Variants in BAZ2B observed in about 807,000 individuals in gnomAD.
BAZ2B encodes bromodomain adjacent to zinc finger domain 2B, also known as bromodomain adjacent to zinc finger domain protein 2B.
BAZ2B carries 91 observed loss-of-function variants against 246.0 expected under a neutral mutation model. That is an observed-to-expected ratio of 0.37 (90% CI 0.31 to 0.44). The LOEUF (loss-of-function observed/expected upper bound fraction) is 0.44, where lower values mean the gene tolerates loss of function less well. Ranked by LOEUF, BAZ2B falls within the 20% of genes least tolerant of loss-of-function variation. The pLI, the probability that BAZ2B is intolerant of heterozygous loss-of-function variation, is 1.00. For synonymous variants in BAZ2B, 855 were observed against 860.0 expected (o/e 0.99, Z 0.10); for missense variants, 2,332 against 2,533.7 (o/e 0.92, Z 1.71).
intron 27 of BAZ2B, among the ~76,000 whole-genome samples, chr2:159,363,951 T>G (rs1410358275): frequency 1.3e-5 from 2 of 152,156 alleles, no homozygotes; most frequent in African/African-American, 4.8e-5. Context: ...AGGGAGATAC[T>G]CTGCATTATC....
At position 159,544,330 on chromosome 2, in the gene BAZ2B, C is replaced by T. The variant is rs182119663; in HGVS notation, c.-3+11493G>A. On this transcript the variant is annotated intron_variant, in intron 2 of 36. Coordinates refer to ENST00000392783, the MANE Select transcript of BAZ2B (RefSeq NM_013450.4). ...AGATTAGTACCTGGCGCACAGTGAG[C>T]ACTCCACTAACATTAGCTCTTATTG... Among the ~76,000 whole-genome samples the T allele has an allele frequency of 4.9e-3, 749 of 152,218 alleles. 16 individuals are homozygous for T. The highest frequency in any genetic ancestry group is 3.2e-3 in the Non-Finnish European group (221 of 68,016).
At position 159,532,481 on chromosome 2, in the gene BAZ2B, T is replaced by C. The variant is rs75263003; in HGVS notation, c.-3+23342A>G. Among the ~76,000 whole-genome samples, 1,247 of 152,296 alleles carry C rather than the reference T, an allele frequency of 8.2e-3. 6 individuals carry two copies. Among genetic ancestry groups the C allele is most frequent in the South Asian group, 0.021 (103 of 4,832 alleles). On this transcript the variant is annotated intron_variant, in intron 2 of 36. Coordinates refer to ENST00000392783, the MANE Select transcript of BAZ2B (RefSeq NM_013450.4). Reference sequence around the variant, plus strand: ...ACAAAAAAGTTTAAAACAAGACTCATGGCCTCAAACTGCGGAAATAATAAA... The same window carrying C: ...ACAAAAAAGTTTAAAACAAGACTCACGGCCTCAAACTGCGGAAATAATAAA...
Position 159,319,090 on chromosome 2 carries a change from G to C in BAZ2B, c.*1175C>G, listed in dbSNP as rs978849536. On this transcript the variant is annotated 3_prime_UTR_variant, in exon 37 of 37. Transcript: ENST00000392783. This position sits in a 1 kb window ranked among gnomAD's most constrained non-coding sequence, Gnocchi z 4.0. Reference sequence around the variant, plus strand: ...CATTTTATTTTAAATAAAACTTCAAGTACTCTTACGTAGGTACAAAAAAAA... The same window carrying C: ...CATTTTATTTTAAATAAAACTTCAACTACTCTTACGTAGGTACAAAAAAAA... 19 of 152,474 alleles carry C rather than the reference G, an allele frequency of 1.2e-4. No homozygotes were observed. The highest frequency in any genetic ancestry group is 4.6e-4 in the African/African-American group (19 of 41,380). The allele number at this position is 152,474 out of a possible 1,614,324, so 9.4% of individuals were successfully genotyped here.
intron 17 of BAZ2B, among the ~76,000 whole-genome samples, chr2:159,400,096 C>T (rs1454549224): frequency 6.6e-6 from 1 of 152,080 alleles, no homozygotes; most frequent in East Asian, 1.9e-4. Flanking sequence ...CTGTCTTTTG[C>T]CTATTACTTT....
At chr2:159,622,472 A>C in the BAZ2B span, among the ~76,000 whole-genome samples, 1 of 152,170 alleles carries the variant, frequency 6.6e-6, no homozygotes, top group Non-Finnish European at 1.5e-5. Context: ...TTTCCCAGCA[A>C]TGGTCAAAAC....
chr2:159,431,399 T>C (rs779354318), intron 9 of BAZ2B, among the ~76,000 whole-genome samples: 19 of 152,218 alleles, frequency 1.2e-4, no homozygotes, highest in Non-Finnish European at 2.5e-4. Context: ...TGTGACACTA[T>C]TCACATGATG....
At chr2:159,507,465 G>C (rs183099987) in intron 2 of BAZ2B, among the ~76,000 whole-genome samples, 20 of 152,268 alleles carry the variant, frequency 1.3e-4, no homozygotes, top group African/African-American at 4.6e-4. Flanking sequence ...GAAGAGAAAA[G>C]CAGTGGTCTC....
intron 6 of BAZ2B, among the ~76,000 whole-genome samples, chr2:159,445,087 G>T (rs2074038025): frequency 6.6e-6 from 1 of 152,146 alleles, no homozygotes; most frequent in Non-Finnish European, 1.5e-5. Flanking sequence ...ATAAAATTGA[G>T]ATGTCACAGC....
chr2:159,330,531 G>T (rs961658420), intron 34 of BAZ2B, among the ~76,000 whole-genome samples: 3 of 152,108 alleles, frequency 2.0e-5, no homozygotes, highest in Admixed American at 6.6e-5. Flanking sequence ...AGCACTTTTG[G>T]AGAAGCTGTG....
At chr2:159,364,672 T>C (rs1372448102) in intron 27 of BAZ2B, among the ~76,000 whole-genome samples, 5 of 152,152 alleles carry the variant, frequency 3.3e-5, no homozygotes, top group African/African-American at 9.7e-5. Context: ...GCCTAGCCCT[T>C]AGTTAGACAT....
chr2:159,383,162 G>A (rs1030264218), intron 24 of BAZ2B, among the ~76,000 whole-genome samples: 1 of 152,092 alleles, frequency 6.6e-6, no homozygotes, highest in Admixed American at 6.5e-5. Context: ...TCTTAACATA[G>A]GAGTAATTTC....
At chr2:159,449,115 G>T (rs1033145270) in intron 4 of BAZ2B, among the ~76,000 whole-genome samples, 1 of 152,082 alleles carries the variant, frequency 6.6e-6, no homozygotes, top group Non-Finnish European at 1.5e-5. Context: ...AGATAACAAT[G>T]ATTGTTTTAT....
intron 1 of BAZ2B, among the ~76,000 whole-genome samples, chr2:159,600,008 T>C (rs551615044): frequency 6.6e-6 from 1 of 151,090 alleles, no homozygotes; most frequent in African/African-American, 2.4e-5. Flanking sequence ...GGTACTATAG[T>C]AGGTAAAATC....
chr2:159,612,343 C>G (rs1245240917), intron 1 of BAZ2B, among the ~76,000 whole-genome samples: 2 of 151,736 alleles, frequency 1.3e-5, no homozygotes, highest in Non-Finnish European at 2.9e-5. Flanking sequence ...TTTTATGTAA[C>G]CAAAAAAACT....
At chr2:159,672,737 AGGGGTT>A in the BAZ2B span, among the ~76,000 whole-genome samples, 5 of 152,192 alleles carry the variant, frequency 3.3e-5, no homozygotes, top group African/African-American at 1.2e-4. Context: ...TATGCAATAA[AGGGGTT>A]ATCTCAGAAG....
At chr2:159,404,994 G>T (rs764118405) in intron 15 of BAZ2B, 28 bp downstream of exon 15, 1 of 1,612,514 alleles carries the variant, frequency 6.2e-7, no homozygotes, top group African/African-American at 1.3e-5. Flanking sequence ...CTGACTCTTC[G>T]AGTTTATGTT....
At chr2:159,506,717 C>T (rs1341276356) in intron 2 of BAZ2B, among the ~76,000 whole-genome samples, 1 of 152,190 alleles carries the variant, frequency 6.6e-6, no homozygotes, top group East Asian at 1.9e-4. Flanking sequence ...ACAAGGGAAA[C>T]ACCATTACCA....
intron 25 of BAZ2B, among the ~76,000 whole-genome samples, chr2:159,380,818 A>G (rs2061915736): frequency 6.6e-6 from 1 of 152,176 alleles, no homozygotes; most frequent in Non-Finnish European, 1.5e-5. Flanking sequence ...GAGTGAATTA[A>G]GCCTGTCCTG....
chr2:159,594,197 G>A (rs1487428424), intron 1 of BAZ2B, among the ~76,000 whole-genome samples: 1 of 152,158 alleles, frequency 6.6e-6, no homozygotes, highest in Non-Finnish European at 1.5e-5. Context: ...TTGTGGTCAG[G>A]GGATCGAGAC....
Sources: gnomAD v4.1 joint callset for allele counts (sites outside exome capture counted in the v4.1 genomes callset) on GRCh38, gnomAD v4.1.1 for gene constraint, Gnocchi (gnomAD v3.1) non-coding constraint, MANE v1.5 for transcripts, NCBI Gene and HGNC (gene_info 2026-07-23, HGNC 2026-07-21) for gene names.